The following CFTR variants were observed in gnomAD, a reference collection of about 807,000 sequenced individuals.
The protein encoded by CFTR is CF transmembrane conductance regulator, also known as cystic fibrosis transmembrane conductance regulator.
In CFTR, 181 loss-of-function variants were observed where a neutral mutation model predicts 171.6. The observed-to-expected ratio is 1.05, with a 90% CI of 0.93 to 1.19. The LOEUF (loss-of-function observed/expected upper bound fraction) is 1.19. CFTR is among the 50% of genes most tolerant of loss of function. The pLI is 0.00. For missense variants in CFTR, 1,968 were observed against 1,734.7 expected (o/e 1.13, Z -2.39); for synonymous variants, 583 against 608.0 (o/e 0.96, Z 0.60).
chr7:117,533,037 T>G (rs1469038132), intron 4 of CFTR, among the ~76,000 whole-genome samples: 2 of 152,164 alleles, frequency 1.3e-5, no homozygotes, highest in Admixed American at 1.3e-4. Context: ...AATAATGAAT[T>G]TAAATACAAA....
At chr7:117,618,481 C>CAT (rs1792527754) in intron 21 of CFTR, among the ~76,000 whole-genome samples, 2 of 149,130 alleles carry the variant, frequency 1.3e-5, no homozygotes. Context: ...CTCCGTCTCA[C>CAT]ACACACACAC....
chr7:117,633,967 T>C (rs1240306007), intron 22 of CFTR, among the ~76,000 whole-genome samples: 1 of 152,124 alleles, frequency 6.6e-6, no homozygotes, highest in Non-Finnish European at 1.5e-5. Context: ...TTTTGTGACA[T>C]CTTTATCTGC....
intron 4 of CFTR, among the ~76,000 whole-genome samples, chr7:117,533,335 A>C (rs989260059): frequency 1.3e-5 from 2 of 152,088 alleles, no homozygotes; most frequent in Non-Finnish European, 2.9e-5. Flanking sequence ...CTAACTCCTC[A>C]AGAAAATCCT....
intron 11 of CFTR, among the ~76,000 whole-genome samples, chr7:117,575,706 T>C (rs1363362946): frequency 6.6e-6 from 1 of 152,132 alleles, no homozygotes; most frequent in African/African-American, 2.4e-5. Flanking sequence ...CTACCCTTCT[T>C]TCCTTTACTA....
intron 23 of CFTR, among the ~76,000 whole-genome samples, chr7:117,649,337 G>A (rs1793048147): frequency 6.8e-6 from 1 of 146,640 alleles, no homozygotes; most frequent in Non-Finnish European, 1.5e-5. Context: ...TGGCAGTAGA[G>A]ATATATATAT....
intron 20 of CFTR, among the ~76,000 whole-genome samples, chr7:117,614,050 C>T (rs1584823885): frequency 1.3e-5 from 1 of 79,468 alleles, no homozygotes; most frequent in Admixed American, 1.8e-4. Flanking sequence ...TTTTCTCTTT[C>T]CAAATGGCAG....
rs80282562 is a variant in CFTR, at chr7:117,534,318, G to A, written c.532G>A (p.Gly178Arg). 7.5e-6 allele frequency: 12 copies of A among 1,605,878 alleles called. No homozygotes were observed. Among genetic ancestry groups the A allele is most frequent in the Non-Finnish European group, 1.0e-5 (12 of 1,173,200 alleles). Residue 178 changes from glycine (G) to arginine (R), a missense_variant, in exon 5 of 27, where the codon GGA becomes AGA. Coordinates refer to ENST00000003084, the MANE Select transcript of CFTR (RefSeq NM_000492.4). ...CCGTGTTCTAGATAAAATAAGTATT[G>A]GACAACTTGTTAGTCTCCTTTCCAA... ...SSRVLDKISIGQLVSLLSNNL... is the reference protein window; with the variant it reads ...SSRVLDKISIRQLVSLLSNNL...
At position 117,590,338 on chromosome 7, in the gene CFTR, C is replaced by A; in HGVS notation, c.1680-15C>A. 1 of 1,599,576 alleles carries A rather than the reference C, an allele frequency of 6.3e-7. No homozygotes were observed. Among genetic ancestry groups the A allele is most frequent in the Non-Finnish European group, 8.5e-7 (1 of 1,169,856 alleles). ...ATAGAGAGGAAATGTAATTTAATTTCCATTTTCTTTTTAGAGCAGTATACA... is the reference window on the plus strand; with the variant it reads ...ATAGAGAGGAAATGTAATTTAATTTACATTTTCTTTTTAGAGCAGTATACA... On this transcript the variant is annotated splice_polypyrimidine_tract_variant and intron_variant, in intron 12 of 26. Coordinates refer to ENST00000003084, the MANE Select transcript of CFTR (RefSeq NM_000492.4).
intron 10 of CFTR, 127 bp from the exon 11 acceptor site, chr7:117,559,337 G>T: frequency 1.4e-6 from 1 of 722,146 alleles, no homozygotes; most frequent in Non-Finnish European, 2.5e-6. Context: ...TAAATATTTT[G>T]AATCAAATGA....
At chr7:117,589,766 T>C (rs1235915327) in intron 12 of CFTR, among the ~76,000 whole-genome samples, 1 of 152,056 alleles carries the variant, frequency 6.6e-6, no homozygotes, top group Non-Finnish European at 1.5e-5. Context: ...AGCACTGCTA[T>C]CAATTTGTTG....
intron 21 of CFTR, chr7:117,616,086 TA>T (rs1423061169): frequency 6.6e-6 from 1 of 152,124 alleles, no homozygotes; most frequent in Non-Finnish European, 1.5e-5. Flanking sequence ...AACATCATTA[TA>T]AAAAATATCT....
At chr7:117,653,604 A>C (rs1222782387) in intron 24 of CFTR, among the ~76,000 whole-genome samples, 1 of 152,096 alleles carries the variant, frequency 6.6e-6, no homozygotes, top group Non-Finnish European at 1.5e-5. Context: ...GGATTTTAAC[A>C]TATGAATTTG....
In CFTR at chr7:117,536,678, G is replaced by T; in HGVS notation, c.869+5G>T. On this transcript the variant is annotated splice_donor_5th_base_variant and intron_variant, in intron 7 of 26. Transcript: ENST00000003084. Reference sequence around the variant, plus strand: ...AATGATTGAAAACTTAAGACAGTAAGTTGTTCCAATAATTTCAATATTGTT... The same window carrying T: ...AATGATTGAAAACTTAAGACAGTAATTTGTTCCAATAATTTCAATATTGTT... The T allele has an allele frequency of 6.2e-7, 1 of 1,609,610 alleles. No individual in the cohort carries two copies. Among genetic ancestry groups the T allele is most frequent in the Non-Finnish European group, 8.5e-7 (1 of 1,177,996 alleles).
intron 26 of CFTR, among the ~76,000 whole-genome samples, chr7:117,665,837 T>G (rs1001944844): frequency 6.6e-6 from 1 of 152,196 alleles, no homozygotes. Context: ...AGCCCTTTAT[T>G]TGGGGACCAA....
At chr7:117,556,456 A>T (rs1478509865) in intron 10 of CFTR, among the ~76,000 whole-genome samples, 1 of 136,956 alleles carries the variant, frequency 7.3e-6, no homozygotes, top group Non-Finnish European at 1.6e-5. Context: ...CCTGTTTTGA[A>T]TTTTTTTTCC....
intron 9 of CFTR, among the ~76,000 whole-genome samples, chr7:117,546,089 G>T (rs1371998446): frequency 6.6e-6 from 1 of 152,052 alleles, no homozygotes; most frequent in African/African-American, 2.4e-5. Context: ...TGCTGCCCGG[G>T]TTCAAGCGAT....
Position 117,531,049 on chromosome 7 carries a change from AT to A in CFTR, c.429del (p.Phe143LeufsTer10), listed in dbSNP as rs387906364. On this transcript the variant is annotated frameshift_variant, in exon 4 of 27. Transcript: ENST00000003084. LOFTEE classifies it high-confidence loss of function. ...GAGGACACTGCTCCTACACCCAGCC[AT>A]TTTTGGCCTTCATCACATTGGAATG... is the stretch of plus-strand genomic sequence containing the variant. ...IVRTLLLHPA[I>X]FGLHHIGMQM... The A allele has an allele frequency of 3.1e-6, 5 of 1,613,696 alleles. No individual in the cohort carries two copies. The highest frequency in any genetic ancestry group is 3.4e-6 in the Non-Finnish European group (4 of 1,179,842).
chr7:117,667,125 T>G lies in CFTR; in HGVS notation c.*17T>G. 1 of 1,607,734 alleles carries G rather than the reference T, an allele frequency of 6.2e-7. No individual in the cohort carries two copies. The highest frequency in any genetic ancestry group is 8.5e-7 in the Non-Finnish European group (1 of 1,174,690). On this transcript the variant is annotated 3_prime_UTR_variant, in exon 27 of 27. Coordinates refer to ENST00000003084, the MANE Select transcript of CFTR (RefSeq NM_000492.4). Reference sequence around the variant, plus strand: ...AGGCTTTAGAGAGCAGCATAAATGTTGACATGGGACATTTGCTCATGGAAT... The same window carrying G: ...AGGCTTTAGAGAGCAGCATAAATGTGGACATGGGACATTTGCTCATGGAAT...
intron 20 of CFTR, among the ~76,000 whole-genome samples, chr7:117,613,868 A>C (rs774255306): frequency 6.6e-6 from 1 of 152,036 alleles, no homozygotes; most frequent in Non-Finnish European, 1.5e-5. Flanking sequence ...TAATTTAAGA[A>C]CATTCCTCTT....
Sources: gnomAD v4.1 joint callset for allele counts (sites outside exome capture counted in the v4.1 genomes callset) on GRCh38, gnomAD v4.1.1 for gene constraint, MANE v1.5 for transcripts, NCBI Gene and HGNC (gene_info 2026-07-23, HGNC 2026-07-21) for gene names.